IGSF21: variants seen among roughly 807,000 people sequenced by gnomAD.
The protein encoded by IGSF21 is immunoglobulin superfamily member 21.
Under a neutral mutation model 46.8 loss-of-function variants are expected in IGSF21, and 28 were observed. The observed-to-expected ratio is 0.60, with a 90% CI of 0.44 to 0.82. IGSF21 has a LOEUF of 0.82. IGSF21 is among the 40% of genes least tolerant of loss of function. IGSF21 has a pLI of 0.00. For synonymous variants in IGSF21, 284 were observed against 273.6 expected (o/e 1.04, Z -0.38); for missense variants, 624 against 665.5 (o/e 0.94, Z 0.69).
intron 3 of IGSF21, among the ~76,000 whole-genome samples, chr1:18,297,883 G>A (rs760050863): frequency 1.8e-4 from 27 of 152,044 alleles, no homozygotes; most frequent in African/African-American, 4.8e-4. Flanking sequence ...CCATGGATCC[G>A]GAAGGCCAAC....
intron 2 of IGSF21, among the ~76,000 whole-genome samples, chr1:18,241,727 C>G (rs748156662): frequency 6.6e-6 from 1 of 152,144 alleles, no homozygotes. Flanking sequence ...TGTAGCGGTG[C>G]GTTCAGGTCA....
At chr1:18,249,511 G>T (rs888409256) in intron 2 of IGSF21, among the ~76,000 whole-genome samples, 1 of 152,144 alleles carries the variant, frequency 6.6e-6, no homozygotes, top group South Asian at 2.1e-4. Flanking sequence ...AGCTGTACGT[G>T]CAAAAGCAGT....
chr1:18,200,292 G>C (rs531199618), intron 1 of IGSF21, among the ~76,000 whole-genome samples: 2 of 152,354 alleles, frequency 1.3e-5, no homozygotes, highest in South Asian at 4.1e-4. Flanking sequence ...GGGCTTAGTA[G>C]GTAGACAGCG....
At chr1:18,376,259 C>A in intron 6 of IGSF21, 51 bp from the exon 7 acceptor site, 1 of 1,238,616 alleles carries the variant, frequency 8.1e-7, no homozygotes, top group Non-Finnish European at 1.2e-6. Flanking sequence ...TTCCATGTAC[C>A]CTGTCCCTCC....
rs969912964 is a variant in IGSF21, at chr1:18,270,412, G to A, written c.184-21454G>A. Among the ~76,000 whole-genome samples, 9 of 152,238 alleles carry A rather than the reference G, an allele frequency of 5.9e-5. 1 individual carries two copies. The highest frequency in any genetic ancestry group is 4.6e-4 in the Admixed American group (7 of 15,290). On this transcript the variant is annotated intron_variant, in intron 2 of 9. Transcript: ENST00000251296. ...GGCCTGGATGACTCATGCCCTGCAA[G>A]GTTCTGCCAACACTCGGCATCTGGT...
chr1:18,346,083 C>T (rs892158632), intron 4 of IGSF21, among the ~76,000 whole-genome samples: 24 of 152,206 alleles, frequency 1.6e-4, no homozygotes, highest in African/African-American at 5.5e-4. Context: ...GCTGTTCTTA[C>T]TTCCTACGTA....
chr1:18,169,875 A>G (rs951722296), intron 1 of IGSF21, among the ~76,000 whole-genome samples: 2 of 152,024 alleles, frequency 1.3e-5, no homozygotes, highest in African/African-American at 4.8e-5. Context: ...TGCGTGGACC[A>G]TAAGACAGGA....
chr1:18,359,383 AAAGGAAGGAAGGAAGGAAGGAAGGAAGG>A (rs1202935647), intron 4 of IGSF21, among the ~76,000 whole-genome samples: 7 of 61,104 alleles, frequency 1.1e-4, no homozygotes, highest in South Asian at 6.2e-4. Context: ...AGAAAGAAAG[AAAGGAAGGAAGGAAGGAAGGAAGGAAGG>A]AAGGAAGGAA....
At chr1:18,247,242 T>G (rs2084794095) in intron 2 of IGSF21, among the ~76,000 whole-genome samples, 1 of 152,052 alleles carries the variant, frequency 6.6e-6, no homozygotes, top group Non-Finnish European at 1.5e-5. Context: ...CCAGCCTTGG[T>G]GACCCCAGGA....
intron 1 of IGSF21, among the ~76,000 whole-genome samples, chr1:18,223,631 A>G (rs915261076): frequency 3.3e-5 from 5 of 152,212 alleles, no homozygotes; most frequent in South Asian, 2.1e-4. Flanking sequence ...TTGTATTCAT[A>G]TTTTAATACT....
rs372777087 is a variant in IGSF21 at position 18,198,173 on chromosome 1, C to T, written c.71-29725C>T. On this transcript the variant is annotated intron_variant, in intron 1 of 9. Transcript: ENST00000251296. ...ATGATGTACACAGTATAATCTGTCT[C>T]GAAGTGAACACGGGGTTGACTGGAC... 1.8e-3 allele frequency among the ~76,000 whole-genome samples: 269 copies of T among 152,306 alleles called. 1 individual carries two copies. Among genetic ancestry groups the T allele is most frequent in the Middle Eastern group, 3.4e-3 (1 of 294 alleles).
intron 2 of IGSF21, among the ~76,000 whole-genome samples, chr1:18,248,344 A>G (rs1176471484): frequency 6.6e-6 from 1 of 152,220 alleles, no homozygotes; most frequent in Non-Finnish European, 1.5e-5. Context: ...AACTTTGCAC[A>G]GCATAGCGGG....
intron 2 of IGSF21, among the ~76,000 whole-genome samples, chr1:18,273,159 C>T (rs2085059966): frequency 1.3e-5 from 2 of 150,718 alleles, no homozygotes; most frequent in South Asian, 2.1e-4. Context: ...AGTTCTCATG[C>T]CTCAGACAGT....
intron 1 of IGSF21, chr1:18,176,284 T>C (rs915478809): frequency 3.3e-5 from 5 of 152,192 alleles, no homozygotes; most frequent in African/African-American, 9.7e-5. Context: ...CTTAAAGATA[T>C]CTGACTTGCA....
At chr1:18,160,367 C>G (rs920549985) in intron 1 of IGSF21, among the ~76,000 whole-genome samples, 1 of 152,144 alleles carries the variant, frequency 6.6e-6, no homozygotes, top group East Asian at 1.9e-4. Context: ...GCACTTCAAG[C>G]GCTCACAGCA....
At chr1:18,367,628 CAG>C (rs1308068678) in intron 6 of IGSF21, among the ~76,000 whole-genome samples, 6 of 46,866 alleles carry the variant, frequency 1.3e-4, no homozygotes, top group African/African-American at 3.8e-4. Context: ...TTTTTTTTGA[CAG>C]AGTCTGGCTC....
Position 18,378,454 on chromosome 1 carries a change from T to A in IGSF21, c.*128T>A. The A allele has an allele frequency of 1.3e-6, 1 of 781,212 alleles. No individual in the cohort carries two copies. Among genetic ancestry groups the A allele is most frequent in the Non-Finnish European group, 2.0e-6 (1 of 488,630 alleles). The allele number at this position is 781,212 out of a possible 1,614,324, so 48.4% of individuals were successfully genotyped here. ...TGTGTCTTGGCTTCTTCAGTCGGTT[T>A]AATTAAAACAAACAGAACAATTTTC... is the stretch of plus-strand genomic sequence containing the variant. On this transcript the variant is annotated 3_prime_UTR_variant, in exon 10 of 10. Coordinates refer to ENST00000251296, the MANE Select transcript of IGSF21 (RefSeq NM_032880.5).
At position 18,315,795 on chromosome 1, in the gene IGSF21, T is replaced by C. The variant is rs540963341; in HGVS notation, c.306-19097T>C. Reference sequence around the variant, plus strand: ...GCTGGAAAGATGAGAAGTGAATGAATGGATGGATGGGTGGTGGATAGGTGT... The same window carrying C: ...GCTGGAAAGATGAGAAGTGAATGAACGGATGGATGGGTGGTGGATAGGTGT... On this transcript the variant is annotated intron_variant, in intron 3 of 9. Coordinates refer to ENST00000251296, the MANE Select transcript of IGSF21 (RefSeq NM_032880.5). 2.8e-5 allele frequency among the ~76,000 whole-genome samples: 4 copies of C among 145,396 alleles called. No individual in the cohort carries two copies. In the East Asian group the frequency reaches 8.5e-4, roughly 31 times the overall value.
intron 2 of IGSF21, among the ~76,000 whole-genome samples, chr1:18,255,244 TCA>T (rs1233659977): frequency 6.6e-6 from 1 of 152,140 alleles, no homozygotes; most frequent in African/African-American, 2.4e-5. Context: ...AAGCCAAACT[TCA>T]CTCTGCACTC....
Sources: gnomAD v4.1 joint callset for allele counts (sites outside exome capture counted in the v4.1 genomes callset) on GRCh38, gnomAD v4.1.1 for gene constraint, MANE v1.5 for transcripts, NCBI Gene and HGNC (gene_info 2026-07-23, HGNC 2026-07-21) for gene names.